CELF2: variants seen among roughly 807,000 people sequenced by gnomAD.
CELF2 encodes CUGBP Elav-like family member 2.
In CELF2, 8 loss-of-function variants were observed where a neutral mutation model predicts 62.6. The ratio of observed to expected loss-of-function variants is 0.13; its 90% CI spans 0.07 to 0.23. The LOEUF is 0.23. CELF2 is among the 10% of genes least tolerant of loss of function. CELF2 has a pLI of 1.00. For missense variants in CELF2, 333 were observed against 671.0 expected, an observed-to-expected ratio of 0.50 and a Z score of 5.56; for synonymous variants, 258 against 250.0, an observed-to-expected ratio of 1.03 and a Z score of -0.30.
chr10:10,730,542 A>G, the CELF2 span, among the ~76,000 whole-genome samples: 1 of 152,220 alleles, frequency 6.6e-6, no homozygotes, highest in African/African-American at 2.4e-5. Context: ...TAGCACTGTA[A>G]CTTCCACCTA....
At chr10:11,050,182 C>G (rs1421886471) in intron 1 of CELF2, among the ~76,000 whole-genome samples, 2 of 152,204 alleles carry the variant, frequency 1.3e-5, no homozygotes, top group Non-Finnish European at 2.9e-5. Context: ...TAATGAGCCA[C>G]AGAAAATGTG....
rs1351574779 is a variant in CELF2, at chr10:10,858,191, A to G, written c.53+59374A>G. ...TTTATCAAAATATGATGAAAACTAC[A>G]AACCCACAGGTCCAAGAATTTCACA... On this transcript the variant is annotated intron_variant, in intron 1 of 13. Transcript: ENST00000636488. Among the ~76,000 whole-genome samples the G allele has an allele frequency of 2.0e-5, 3 of 152,250 alleles. No homozygotes were observed. In the East Asian group the frequency reaches 5.8e-4, roughly 29 times the overall value.
chr10:11,254,139 A>C (rs146100115), intron 4 of CELF2, among the ~76,000 whole-genome samples: 1 of 152,266 alleles, frequency 6.6e-6, no homozygotes, highest in African/African-American at 2.4e-5. Context: ...AATGTTTACA[A>C]AGCTGTTAGG....
At chr10:11,166,629 TCA>T (rs1339708363) in intron 2 of CELF2, among the ~76,000 whole-genome samples, 14 of 152,354 alleles carry the variant, frequency 9.2e-5, no homozygotes, top group Admixed American at 6.5e-4. Flanking sequence ...TCTGCGGGCC[TCA>T]CAGTTTCTTT....
intron 1 of CELF2, among the ~76,000 whole-genome samples, chr10:11,076,815 A>G (rs976038737): frequency 5.9e-5 from 9 of 152,180 alleles, no homozygotes; most frequent in Non-Finnish European, 8.8e-5. Context: ...TCTGCAAATC[A>G]AGGCTTTGGT....
chr10:10,799,554 G>C (rs1318198826), intron 1 of CELF2, among the ~76,000 whole-genome samples: 1 of 152,042 alleles, frequency 6.6e-6, no homozygotes, highest in Non-Finnish European at 1.5e-5. Flanking sequence ...GGCCCTTGAA[G>C]GGTCAAGGGA....
rs2094932897 is a variant in CELF2 at position 11,315,848 on chromosome 10, C to T, written c.1096+1590C>T. Among the ~76,000 whole-genome samples the T allele has an allele frequency of 6.6e-6, 1 of 152,230 alleles. No homozygotes were observed. Among genetic ancestry groups the T allele is most frequent in the Non-Finnish European group, 1.5e-5 (1 of 68,030 alleles). On this transcript the variant is annotated intron_variant, in intron 10 of 12. Transcript: ENST00000633077. This position sits in a 1 kb window ranked among gnomAD's most constrained non-coding sequence, Gnocchi z 5.8. Reference sequence around the variant, plus strand: ...CACCTAGGTCGAGGACGCGTGTGCTCGCACACATCCCCTCATGCTGCTTCT... The same window carrying T: ...CACCTAGGTCGAGGACGCGTGTGCTTGCACACATCCCCTCATGCTGCTTCT...
At chr10:10,994,739 C>T (rs1488156017) in intron 2 of CELF2, among the ~76,000 whole-genome samples, 1 of 146,232 alleles carries the variant, frequency 6.8e-6, no homozygotes, top group African/African-American at 2.5e-5. Context: ...CACCCCCACA[C>T]CCCACCCTCC....
chr10:10,582,503 C>A, the CELF2 span, among the ~76,000 whole-genome samples: 1 of 152,154 alleles, frequency 6.6e-6, no homozygotes, highest in Admixed American at 6.5e-5. Flanking sequence ...TATAATTGAA[C>A]AAATGGTTCA....
chr10:10,969,126 A>G (rs935188727), intron 2 of CELF2, among the ~76,000 whole-genome samples: 6 of 152,188 alleles, frequency 3.9e-5, no homozygotes, highest in African/African-American at 1.4e-4. Context: ...GTGTGGTGAC[A>G]TGTGCCTGTA....
chr10:11,305,527 C>T lies in CELF2; in HGVS notation c.977-8612C>T, dbSNP rs573862679. ...GTAAAATATCCGTCTGAAAGATGTC[C>T]TATTACCTGTTATTGTCAGTGGGAT... is the stretch of plus-strand genomic sequence containing the variant. On this transcript the variant is annotated intron_variant, in intron 9 of 12. Transcript: ENST00000633077. This position sits in a 1 kb window ranked among gnomAD's most constrained non-coding sequence, Gnocchi z 4.8. Among the ~76,000 whole-genome samples, 1 of 152,350 alleles carries T rather than the reference C, an allele frequency of 6.6e-6. No individual in the cohort carries two copies. The highest frequency in any genetic ancestry group is 1.9e-4 in the East Asian group (1 of 5,184).
At chr10:10,924,939 A>G (rs367612399) in intron 2 of CELF2, 1 of 152,174 alleles carries the variant, frequency 6.6e-6, no homozygotes, top group African/African-American at 2.4e-5. Flanking sequence ...GTCTTAAGTC[A>G]TAGATCTTTG....
the CELF2 span, among the ~76,000 whole-genome samples, chr10:10,468,211 A>G: frequency 6.6e-6 from 1 of 152,000 alleles, no homozygotes; most frequent in East Asian, 1.9e-4. Context: ...GGCGTTCTCT[A>G]AACACTCTTA....
chr10:11,195,120 T>G (rs2057104935), intron 2 of CELF2, among the ~76,000 whole-genome samples: 1 of 152,248 alleles, frequency 6.6e-6, no homozygotes. Flanking sequence ...TCGTCAGCAT[T>G]CGACCATGAA....
chr10:11,084,266 C>G (rs898157402), intron 1 of CELF2, among the ~76,000 whole-genome samples: 1 of 152,144 alleles, frequency 6.6e-6, no homozygotes, highest in African/African-American at 2.4e-5. Context: ...AGTGAATATG[C>G]GGCTCTTGTG....
chr10:10,564,735 G>C, the CELF2 span, among the ~76,000 whole-genome samples: 16,271 of 149,646 alleles, frequency 0.11, 1,121 homozygotes, highest in East Asian at 0.23. Flanking sequence ...AAGCAGCCAA[G>C]TGCCAAAATG....
At chr10:10,682,188 A>T in the CELF2 span, among the ~76,000 whole-genome samples, 1 of 152,222 alleles carries the variant, frequency 6.6e-6, no homozygotes, top group African/African-American at 2.4e-5. Context: ...AGTAGAAATC[A>T]AAAATCAATT....
the CELF2 span, among the ~76,000 whole-genome samples, chr10:10,464,773 G>A: frequency 3.0e-4 from 46 of 152,260 alleles, no homozygotes; most frequent in South Asian, 3.1e-3. Flanking sequence ...GATTGCTGTA[G>A]TTAAAATGAT....
intron 1 of CELF2, among the ~76,000 whole-genome samples, chr10:10,881,075 C>A (rs2061409077): frequency 2.0e-5 from 3 of 152,156 alleles, no homozygotes; most frequent in Admixed American, 2.0e-4. Flanking sequence ...GTTTAACATG[C>A]ATGTTTAATT....
Sources: allele counts gnomAD v4.1 joint callset (sites outside exome capture counted in the v4.1 genomes callset), GRCh38; gene constraint gnomAD v4.1.1; non-coding constraint Gnocchi (gnomAD v3.1); transcripts MANE v1.5; gene names NCBI Gene and HGNC (gene_info 2026-07-23, HGNC 2026-07-21).